LOXL2: variants seen among roughly 807,000 people sequenced by gnomAD.
LOXL2 encodes the protein lysyl oxidase homolog 2.
A neutral mutation model predicts 93.0 loss-of-function variants in LOXL2; 70 were observed. That is an observed-to-expected ratio of 0.75 (90% CI 0.62 to 0.92). The LOEUF (loss-of-function observed/expected upper bound fraction) is 0.92. Among genes scored for constraint, LOXL2 ranks in the 40% least tolerant of loss-of-function variants. The pLI is 0.00. For missense variants in LOXL2, 973 were observed against 1,054.9 expected (o/e 0.92, Z 1.08); for synonymous variants, 438 against 413.2 (o/e 1.06, Z -0.73).
At position 23,297,741 on chromosome 8, in the gene LOXL2, T is replaced by C; in HGVS notation, c.*302A>G. 3.2e-6 allele frequency: 1 copy of C among 313,452 alleles called. No homozygotes were observed. The allele number at this position is 313,452 out of a possible 1,614,324, so 19.4% of individuals were successfully genotyped here. A position where few individuals can be genotyped will look rare whatever the true frequency, so the allele number is the denominator to read the frequency against. ...CGGTGGCTTGAATGGGACAAGCTGATGACAACCTGTCTGTGGGCCTCATCC... is the reference window on the plus strand; with the variant it reads ...CGGTGGCTTGAATGGGACAAGCTGACGACAACCTGTCTGTGGGCCTCATCC... On this transcript the variant is annotated 3_prime_UTR_variant, in exon 14 of 14. Transcript: ENST00000389131.
chr8:23,348,287 G>T (rs1402441950), intron 3 of LOXL2, among the ~76,000 whole-genome samples: 1 of 151,638 alleles, frequency 6.6e-6, no homozygotes, highest in Non-Finnish European at 1.5e-5. Flanking sequence ...GGATAGCACT[G>T]GGAGAAATAC....
chr8:23,389,471 G>A (rs2117234495), intron 1 of LOXL2, among the ~76,000 whole-genome samples: 1 of 152,250 alleles, frequency 6.6e-6, no homozygotes, highest in African/African-American at 2.4e-5. Context: ...TTAAACACAG[G>A]AGAAACCCAG....
At chr8:23,339,977 C>G (rs6994173) in intron 4 of LOXL2, among the ~76,000 whole-genome samples, 3,097 of 152,286 alleles carry the variant, frequency 0.02, 110 homozygotes, top group East Asian at 0.13. Flanking sequence ...CTGGTGGGTA[C>G]AGCTGGGGCT....
intron 4 of LOXL2, among the ~76,000 whole-genome samples, chr8:23,339,032 T>C (rs1803839342): frequency 6.6e-6 from 1 of 152,228 alleles, no homozygotes; most frequent in African/African-American, 2.4e-5. Context: ...CAGTGGTCTC[T>C]GAGCCTTATC....
chr8:23,297,845 A>G lies in LOXL2; in HGVS notation c.*198T>C, dbSNP rs902828881. 1.1e-5 allele frequency: 6 copies of G among 546,582 alleles called. No individual in the cohort carries two copies. Among genetic ancestry groups the G allele is most frequent in the African/African-American group, 7.6e-5 (4 of 52,688 alleles). 33.9% of individuals were successfully genotyped at this position (546,582 alleles called of 1,614,324 possible). ...CCCCGCAAGGCCTTCTCAGGCCCCA[A>G]GGGTCAGGTAGCAGCCCCCCATGAA... On this transcript the variant is annotated 3_prime_UTR_variant, in exon 14 of 14. Transcript: ENST00000389131.
intron 1 of LOXL2, among the ~76,000 whole-genome samples, chr8:23,400,819 C>T (rs56278650): frequency 0.3 from 46,035 of 151,996 alleles, 7,023 homozygotes; most frequent in Admixed American, 0.32. Flanking sequence ...TGAGGAAGTA[C>T]ACTGCTCTCT....
chr8:23,364,613 A>C (rs1173058045), intron 2 of LOXL2: 1 of 152,214 alleles, frequency 6.6e-6, no homozygotes, highest in East Asian at 1.9e-4. Flanking sequence ...AGGTGGGCAG[A>C]TCACTTGAGG....
At chr8:23,327,434 A>G (rs1299911491) in intron 6 of LOXL2, among the ~76,000 whole-genome samples, 1 of 152,166 alleles carries the variant, frequency 6.6e-6, no homozygotes, top group Admixed American at 6.5e-5. Context: ...AACATCTGAC[A>G]CTATGGAAAT....
chr8:23,367,187 TAC>T (rs1314523197), intron 2 of LOXL2, among the ~76,000 whole-genome samples: 1 of 152,108 alleles, frequency 6.6e-6, no homozygotes, highest in Non-Finnish European at 1.5e-5. Flanking sequence ...TAGCTGGGAC[TAC>T]AGACACTCGC....
intron 1 of LOXL2, among the ~76,000 whole-genome samples, chr8:23,379,740 G>A (rs1412305488): frequency 6.6e-6 from 1 of 152,244 alleles, no homozygotes; most frequent in Non-Finnish European, 1.5e-5. Context: ...CCCCGAGCCA[G>A]GCATGGGATA....
intron 2 of LOXL2, among the ~76,000 whole-genome samples, chr8:23,361,651 G>C (rs1482999213): frequency 6.6e-6 from 1 of 152,082 alleles, no homozygotes; most frequent in Non-Finnish European, 1.5e-5. Context: ...GACCATCCTG[G>C]CCAACATGGT....
intron 4 of LOXL2, 144 bp downstream of exon 4, chr8:23,340,848 G>T: frequency 1.4e-6 from 1 of 740,610 alleles, no homozygotes; most frequent in East Asian, 2.6e-5. Context: ...CCCGGCCCAG[G>T]GGCTCTGTGC....
intron 1 of LOXL2, among the ~76,000 whole-genome samples, chr8:23,390,495 G>C (rs973152533): frequency 4.7e-4 from 72 of 152,180 alleles, no homozygotes; most frequent in African/African-American, 1.7e-3. Context: ...ATACAAAACT[G>C]CATTTTTTCC....
intron 1 of LOXL2, among the ~76,000 whole-genome samples, chr8:23,384,125 T>A (rs1322581960): frequency 6.6e-6 from 1 of 152,144 alleles, no homozygotes; most frequent in Non-Finnish European, 1.5e-5. Flanking sequence ...AGTAGGCAAA[T>A]GTCGAGGTAA....
intron 10 of LOXL2, among the ~76,000 whole-genome samples, chr8:23,309,007 C>T (rs550514679): frequency 1.4e-5 from 2 of 145,396 alleles, no homozygotes; most frequent in African/African-American, 2.6e-5. Context: ...TTTTTTGAGA[C>T]AGAGCCTGGC....
chr8:23,329,341 G>C (rs185810907), intron 5 of LOXL2, among the ~76,000 whole-genome samples: 82 of 152,338 alleles, frequency 5.4e-4, no homozygotes, highest in Non-Finnish European at 5.0e-4. Context: ...AGAGAGGGTG[G>C]AGAATTAGAG....
Position 23,368,156 on chromosome 8 carries a change from T to C in LOXL2, c.196A>G (p.Lys66Glu). The stretch of plus-strand genomic sequence containing the variant: ...ACCTCCACCCGGCCCTCGCTGTGCT[T>C]CCTCTTCTGCCCAGCCAGGCGCAGC... ...IQLRLAGQKR[K>E]HSEGRVEVYY... is the part of the protein sequence containing the mutation. Residue 66 changes from lysine (K) to glutamate (E), a missense_variant, in exon 2 of 14, where the codon AAG (lysine) becomes GAG (glutamate). Coordinates refer to ENST00000389131, the MANE Select transcript of LOXL2 (RefSeq NM_002318.3). The C allele has an allele frequency of 6.2e-7, 1 of 1,614,084 alleles. No individual in the cohort carries two copies. The highest frequency in any genetic ancestry group is 1.3e-5 in the African/African-American group (1 of 75,046).
At chr8:23,373,719 G>A (rs1203920501) in intron 1 of LOXL2, among the ~76,000 whole-genome samples, 2 of 152,142 alleles carry the variant, frequency 1.3e-5, no homozygotes, top group East Asian at 3.8e-4. Flanking sequence ...GAGGGACAGA[G>A]AAGTTTGATA....
At chr8:23,306,064 G>A (rs1272546810) in intron 10 of LOXL2, among the ~76,000 whole-genome samples, 9 of 152,206 alleles carry the variant, frequency 5.9e-5, no homozygotes, top group African/African-American at 2.2e-4. Context: ...ACTCGCCTCC[G>A]TCTCCCAAAG....
Sources: gnomAD v4.1 joint callset for allele counts (sites outside exome capture counted in the v4.1 genomes callset) on GRCh38, gnomAD v4.1.1 for gene constraint, MANE v1.5 for transcripts, NCBI Gene and HGNC (gene_info 2026-07-23, HGNC 2026-07-21) for gene names.